Variants in LRP2 observed in about 807,000 individuals in gnomAD.
The protein encoded by LRP2 is low-density lipoprotein receptor-related protein 2.
A neutral mutation model predicts 531.0 loss-of-function variants in LRP2; 172 were observed. That is an observed-to-expected ratio of 0.32 (90% CI 0.29 to 0.37). LRP2 has a LOEUF of 0.37. Among genes scored for constraint, LRP2 ranks in the 10% least tolerant of loss-of-function variants. LRP2 has a pLI of 1.00. For missense variants in LRP2, 5,167 were observed against 5,868.3 expected (o/e 0.88, Z 3.90); for synonymous variants, 1,992 against 2,027.6 (o/e 0.98, Z 0.47).
At chr2:169,201,515 T>A in intron 44 of LRP2, 113 bp downstream of exon 44, 1 of 1,451,872 alleles carries the variant, frequency 6.9e-7, no homozygotes, top group Non-Finnish European at 9.4e-7. Context: ...ACGTTTTAGA[T>A]AAATACTTAG....
At position 169,193,880 on chromosome 2, in the gene LRP2, C is replaced by T. The variant is rs1412903060; in HGVS notation, c.8711G>A (p.Arg2904Gln). The T allele has an allele frequency of 6.2e-7, 1 of 1,614,116 alleles. No homozygotes were observed. Among genetic ancestry groups the T allele is most frequent in the Non-Finnish European group, 8.5e-7 (1 of 1,180,010 alleles). The change falls in exon 47 of 79, where the codon CGA (arginine) becomes CAA (glutamine). Residue 2904 changes from arginine (R) to glutamine (Q), a missense_variant. By Grantham distance (43) the Arg-to-Gln change is conservative. Transcript: ENST00000649046. ...CTTGAACTCATCAGCTAGGCATGTT[C>T]GCTCAGAGTGACCTGAAAAGATCAA... Reference protein sequence around the residue: ...DEPASCGHSERTCLADEFKCD... With the variant: ...DEPASCGHSEQTCLADEFKCD...
At chr2:169,182,772 A>T (rs1483331574) in intron 50 of LRP2, 1 of 290,292 alleles carries the variant, frequency 3.4e-6, no homozygotes, top group Non-Finnish European at 5.1e-6. Context: ...TAAGATAAAG[A>T]TTATGACATC....
chr2:169,174,258 T>C lies in LRP2; in HGVS notation c.10769-94A>G, dbSNP rs145992596. 3.3e-6 allele frequency: 5 copies of C among 1,517,180 alleles called. No homozygotes were observed. The East Asian group carries it at 1.1e-4, about 35-fold the overall frequency. 94.0% of individuals were successfully genotyped at this position (1,517,180 alleles called of 1,614,324 possible). ...TGAATCCTGGATAGCAGGATCATGA[T>C]TTCTTTTTAGAGGACTTATTTCCTA... On this transcript the variant is annotated intron_variant, in intron 55 of 78. Transcript: ENST00000649046.
intron 3 of LRP2, among the ~76,000 whole-genome samples, chr2:169,313,258 C>A (rs1684666828): frequency 6.6e-6 from 1 of 152,190 alleles, no homozygotes; most frequent in Non-Finnish European, 1.5e-5. Flanking sequence ...TGGTGAGGAG[C>A]TGCGTTCCTT....
intron 19 of LRP2, among the ~76,000 whole-genome samples, chr2:169,255,235 A>T (rs1184369476): frequency 6.6e-6 from 1 of 152,166 alleles, no homozygotes; most frequent in East Asian, 1.9e-4. Context: ...CAGACCCAGG[A>T]TAGATTTCAG....
At chr2:169,276,789 G>T (rs149256431) in intron 13 of LRP2, among the ~76,000 whole-genome samples, 8 of 152,108 alleles carry the variant, frequency 5.3e-5, no homozygotes, top group Admixed American at 1.3e-4. Context: ...GTCAAAATTT[G>T]AAGAACATGT....
Position 169,201,856 on chromosome 2 carries a change from A to G in LRP2, c.8224T>C (p.Ser2742Pro). ...MESVCALHTC[S>P]PTAFTCANGR... is the part of the protein sequence containing the mutation. ...TTGGCACAGGTGAAGGCTGTCGGTGAGCAGGTGTGAAGTGCTAAGAACAGG... is the reference window on the plus strand; with the variant it reads ...TTGGCACAGGTGAAGGCTGTCGGTGGGCAGGTGTGAAGTGCTAAGAACAGG... The change falls in exon 44 of 79, where the codon TCA becomes CCA. Residue 2742 changes from serine to proline, a missense_variant. Transcript: ENST00000649046. 1 of 1,614,198 alleles carries G rather than the reference A, an allele frequency of 6.2e-7. No homozygotes were observed.
chr2:169,287,919 A>G (rs1408505935), intron 9 of LRP2, among the ~76,000 whole-genome samples: 1 of 150,934 alleles, frequency 6.6e-6, no homozygotes, highest in Non-Finnish European at 1.5e-5. Flanking sequence ...CTTTTCTAGA[A>G]GCATTTCTTA....
intron 65 of LRP2, among the ~76,000 whole-genome samples, chr2:169,155,276 A>G (rs1444173296): frequency 6.6e-6 from 1 of 152,116 alleles, no homozygotes; most frequent in Non-Finnish European, 1.5e-5. Flanking sequence ...TATTTCCTCT[A>G]TCTTGACATT....
intron 1 of LRP2, among the ~76,000 whole-genome samples, chr2:169,351,407 G>A (rs1035950267): frequency 2.6e-5 from 4 of 152,210 alleles, no homozygotes; most frequent in African/African-American, 9.6e-5. Flanking sequence ...ATAAAAGAAA[G>A]AGGGGACAAT....
intron 50 of LRP2, 45 bp downstream of exon 50, chr2:169,185,458 T>G: frequency 6.3e-7 from 1 of 1,594,676 alleles, no homozygotes; most frequent in South Asian, 1.1e-5. Flanking sequence ...ATGGTTAGAA[T>G]TTTTTAATTT....
chr2:169,175,162 G>T, intron 55 of LRP2, 31 bp downstream of exon 55: 1 of 1,606,112 alleles, frequency 6.2e-7, no homozygotes, highest in Non-Finnish European at 8.5e-7. Context: ...CATAGAAGTC[G>T]GAAAAAGAGG....
chr2:169,297,774 G>C lies in LRP2; in HGVS notation c.428-3064C>G, dbSNP rs532073587. Among the ~76,000 whole-genome samples, 11 of 152,188 alleles carry C rather than the reference G, an allele frequency of 7.2e-5. No homozygotes were observed. In the South Asian group the frequency reaches 2.1e-3, roughly 29 times the overall value. ...AGAAATGTAGTTTGAAGATCTTGTA[G>C]ACCTCTTAGAATGGAAATCATTTTA... On this transcript the variant is annotated intron_variant, in intron 4 of 78. Coordinates refer to ENST00000649046, the MANE Select transcript of LRP2 (RefSeq NM_004525.3).
intron 50 of LRP2, 34 bp from the exon 51 acceptor site, chr2:169,182,353 T>A: frequency 6.2e-7 from 1 of 1,610,978 alleles, no homozygotes; most frequent in Non-Finnish European, 8.5e-7. Flanking sequence ...ACCAATACAG[T>A]CACTTTGTGA....
intron 77 of LRP2, 129 bp from the exon 78 acceptor site, chr2:169,129,213 G>T: frequency 1.4e-6 from 1 of 728,612 alleles, no homozygotes; most frequent in Non-Finnish European, 2.5e-6. Flanking sequence ...GGGACCATGT[G>T]ATTCAGCCCA....
chr2:169,129,395 A>G (rs1685205161), intron 77 of LRP2, among the ~76,000 whole-genome samples: 1 of 152,236 alleles, frequency 6.6e-6, no homozygotes, highest in Non-Finnish European at 1.5e-5. Flanking sequence ...GAGAGAACAC[A>G]TAAAACAGAC....
chr2:169,141,831 A>G (rs187983596), intron 71 of LRP2, among the ~76,000 whole-genome samples: 2 of 152,288 alleles, frequency 1.3e-5, no homozygotes, highest in Admixed American at 6.5e-5. Flanking sequence ...GGATGAGTGC[A>G]AGAGTAGGGG....
At chr2:169,238,030 C>T (rs1475922213) in intron 27 of LRP2, 61 bp downstream of exon 27, 2 of 1,448,028 alleles carry the variant, frequency 1.4e-6, no homozygotes, top group Admixed American at 1.7e-5. Flanking sequence ...TGGTGAATAA[C>T]AGCAAACAGA....
In LRP2 at chr2:169,241,067, A is replaced by G. The variant is rs1207488247; in HGVS notation, c.3966T>C (p.His1322=). ...CTACACTCAGATTCACACAGATGTTATGGCCAAGACACTGCCATTGCCAAC... is the reference window on the plus strand; with the variant it reads ...CTACACTCAGATTCACACAGATGTTGTGGCCAAGACACTGCCATTGCCAAC... The part of the protein sequence containing the change: ...CPSWQWQCLG[H]NICVNLSVVC... The change falls in exon 25 of 79, where the codon CAT becomes CAC. Residue 1322 remains histidine, a synonymous_variant. Coordinates refer to ENST00000649046, the MANE Select transcript of LRP2 (RefSeq NM_004525.3). 1.2e-6 allele frequency: 2 copies of G among 1,614,178 alleles called. No individual in the cohort carries two copies. Among genetic ancestry groups the G allele is most frequent in the Non-Finnish European group, 1.7e-6 (2 of 1,180,020 alleles).
Sources: allele counts gnomAD v4.1 joint callset (sites outside exome capture counted in the v4.1 genomes callset), GRCh38; gene constraint gnomAD v4.1.1; transcripts MANE v1.5; gene names NCBI Gene and HGNC (gene_info 2026-07-23, HGNC 2026-07-21).